The following ENTPD1 variants were observed in gnomAD, a reference collection of about 807,000 sequenced individuals.
The protein encoded by ENTPD1 is ectonucleoside triphosphate diphosphohydrolase 1, also known as ATP diphosphohydrolase.
A neutral mutation model predicts 57.0 loss-of-function variants in ENTPD1; 33 were observed. The ratio of observed to expected loss-of-function variants is 0.58; its 90% confidence interval spans 0.44 to 0.77. The LOEUF is 0.77. ENTPD1 is among the 30% of genes least tolerant of loss of function. The probability of loss-of-function intolerance (pLI) is 0.00; values close to 1 mark genes in which losing one functional copy is unlikely to be tolerated. For synonymous variants in ENTPD1, 202 were observed against 218.8 expected (o/e 0.92, Z 0.68); for missense variants, 501 against 603.4 (o/e 0.83, Z 1.78).
chr10:95,796,649 G>A (rs2098227201), intron 1 of ENTPD1, among the ~76,000 whole-genome samples: 1 of 152,132 alleles, frequency 6.6e-6, no homozygotes, highest in South Asian at 2.1e-4. Flanking sequence ...CTTCATACTA[G>A]TTAGGGCCAC....
At chr10:95,716,021 C>T (rs941547404) in intron 1 of ENTPD1, among the ~76,000 whole-genome samples, 1 of 152,120 alleles carries the variant, frequency 6.6e-6, no homozygotes, top group African/African-American at 2.4e-5. Flanking sequence ...TGTGACACCA[C>T]ATCCAGCTAA....
chr10:95,809,480 C>A (rs1425874462), intron 1 of ENTPD1, among the ~76,000 whole-genome samples: 5 of 131,940 alleles, frequency 3.8e-5, no homozygotes, highest in African/African-American at 1.5e-4. Flanking sequence ...CCAGACGGGG[C>A]GGCCGGGCAG....
chr10:95,841,396 A>AG (rs971079085), intron 3 of ENTPD1, among the ~76,000 whole-genome samples: 4 of 151,938 alleles, frequency 2.6e-5, no homozygotes, highest in African/African-American at 9.7e-5. Context: ...CAAAAAAAAA[A>AG]ATCTAGCAGA....
At chr10:95,747,508 C>A (rs1474762247) in intron 1 of ENTPD1, among the ~76,000 whole-genome samples, 1 of 152,164 alleles carries the variant, frequency 6.6e-6, no homozygotes, top group Non-Finnish European at 1.5e-5. Context: ...CATCTTCCAC[C>A]CTATCCGACT....
chr10:95,802,731 GT>G (rs2098255229), intron 1 of ENTPD1, among the ~76,000 whole-genome samples: 1 of 152,144 alleles, frequency 6.6e-6, no homozygotes, highest in East Asian at 1.9e-4. Flanking sequence ...CCTTGTGATA[GT>G]TTGCTGAGGA....
At chr10:95,803,803 C>A (rs1419901590) in intron 1 of ENTPD1, among the ~76,000 whole-genome samples, 1 of 152,150 alleles carries the variant, frequency 6.6e-6, no homozygotes, top group Non-Finnish European at 1.5e-5. Context: ...ATGGCATTGC[C>A]TAGGTTTTCT....
intron 4 of ENTPD1, 104 bp from the exon 5 acceptor site, chr10:95,844,372 A>C (rs2098429506): frequency 1.3e-6 from 2 of 1,490,264 alleles, no homozygotes; most frequent in South Asian, 2.3e-5. Flanking sequence ...CCAGGGCATT[A>C]TGGTTCACTT....
At chr10:95,724,184 A>AC (rs2097981145) in intron 1 of ENTPD1, among the ~76,000 whole-genome samples, 1 of 151,058 alleles carries the variant, frequency 6.6e-6, no homozygotes, top group African/African-American at 2.4e-5. Context: ...AAAAAAAAAA[A>AC]AAGCCCTTTC....
At chr10:95,711,544 C>T (rs923775660), upstream of ENTPD1, among the ~76,000 whole-genome samples, 9 of 152,316 alleles carry the variant, frequency 5.9e-5, no homozygotes, top group East Asian at 1.9e-4. Context: ...CACTGTCACT[C>T]GAGCTGGAGC....
chr10:95,837,743 G>A (rs1292358184), intron 2 of ENTPD1, among the ~76,000 whole-genome samples: 1 of 152,062 alleles, frequency 6.6e-6, no homozygotes, highest in Non-Finnish European at 1.5e-5. Context: ...GTCCAGGGAG[G>A]TCTCTTAAAT....
At chr10:95,833,484 C>T (rs1410484257) in intron 2 of ENTPD1, 7 of 152,092 alleles carry the variant, frequency 4.6e-5, no homozygotes, top group African/African-American at 1.4e-4. Context: ...TGTTTATAAA[C>T]CCAAGCTCAC....
chr10:95,870,016 T>C lies in ENTPD1; in HGVS notation c.*3633T>C, dbSNP rs1387680238. The C allele has an allele frequency of 1.9e-5, 19 of 985,342 alleles. No homozygotes were observed. The highest frequency in any genetic ancestry group is 2.0e-5 in the Non-Finnish European group (17 of 829,948). The allele number at this position is 985,342 out of a possible 1,614,324, so 61.0% of individuals were successfully genotyped here. A position where few individuals can be genotyped will look rare whatever the true frequency, so the allele number is the denominator to read the frequency against. ...CACAGGAACTAAGCCCTCATTGTCT[T>C]TCCCTTGGGAGGTAGTTTAAAGAGC... is the stretch of plus-strand genomic sequence containing the variant. On this transcript the variant is annotated 3_prime_UTR_variant, in exon 10 of 10. Transcript: ENST00000371205.
intron 1 of ENTPD1, among the ~76,000 whole-genome samples, chr10:95,722,263 GT>G (rs1253420905): frequency 1.3e-5 from 2 of 148,950 alleles, no homozygotes; most frequent in African/African-American, 4.9e-5. Context: ...CAAGTTCATT[GT>G]TTTTTTGTTT....
rs35980124 is a variant in ENTPD1, at chr10:95,724,179, A to AG, written c.37+12186_37+12187insG. ...TCTGTCTCAAAAAAAAAAAAAAAAA[A>AG]AAAAAAAGCCCTTTCCCAGATAGCC... On this transcript the variant is annotated intron_variant, in intron 1 of 9. Transcript: ENST00000453258. 2.0e-5 allele frequency among the ~76,000 whole-genome samples: 3 copies of AG among 150,666 alleles called. No homozygotes were observed. The East Asian group carries it at 5.8e-4, about 29-fold the overall frequency.
chr10:95,713,923 G>A (rs1409220196), intron 1 of ENTPD1, among the ~76,000 whole-genome samples: 2 of 152,212 alleles, frequency 1.3e-5, no homozygotes, highest in Non-Finnish European at 2.9e-5. Flanking sequence ...CCAAATTTTT[G>A]TACAGCTCAA....
chr10:95,716,024 C>G (rs905665314), intron 1 of ENTPD1, among the ~76,000 whole-genome samples: 15 of 152,122 alleles, frequency 9.9e-5, no homozygotes, highest in African/African-American at 3.1e-4. Context: ...GACACCACAT[C>G]CAGCTAATTT....
At chr10:95,855,946 T>C (rs535931440) in intron 7 of ENTPD1, among the ~76,000 whole-genome samples, 2 of 152,330 alleles carry the variant, frequency 1.3e-5, no homozygotes, top group South Asian at 4.1e-4. Context: ...AGTATCTTTG[T>C]GGCGTTCTCT....
At position 95,874,811 on chromosome 10, in the gene ENTPD1, A is replaced by G. The variant is rs2098484159; in HGVS notation, c.*8428A>G. ...AAATCTCAATTCTTGACATCTCTGCACCCACAGGCTCAACATCACATGGAA... is the reference window on the plus strand; with the variant it reads ...AAATCTCAATTCTTGACATCTCTGCGCCCACAGGCTCAACATCACATGGAA... On this transcript the variant is annotated 3_prime_UTR_variant, in exon 10 of 10. Transcript: ENST00000371205. 6.6e-6 allele frequency among the ~76,000 whole-genome samples: 1 copy of G among 152,242 alleles called. No homozygotes were observed. Among genetic ancestry groups the G allele is most frequent in the African/African-American group, 2.4e-5 (1 of 41,466 alleles).
intron 1 of ENTPD1, among the ~76,000 whole-genome samples, chr10:95,724,499 G>A (rs1026856327): frequency 6.6e-6 from 1 of 152,176 alleles, no homozygotes; most frequent in African/African-American, 2.4e-5. Context: ...CTGGGACCAT[G>A]TGGTGAGTGT....
Sources: allele counts gnomAD v4.1 joint callset (sites outside exome capture counted in the v4.1 genomes callset), GRCh38; gene constraint gnomAD v4.1.1; transcripts MANE v1.5; gene names NCBI Gene and HGNC (gene_info 2026-07-23, HGNC 2026-07-21).